Variants in ERLIN2 observed in about 807,000 individuals in gnomAD.
ERLIN2 encodes ER lipid raft associated 2.
ERLIN2 carries 22 observed loss-of-function variants against 41.5 expected under a neutral mutation model. The observed-to-expected ratio is 0.53, with a 90% CI of 0.38 to 0.76. ERLIN2 has a LOEUF of 0.76. ERLIN2 is among the 30% of genes least tolerant of loss of function. The pLI is 0.00. For missense variants in ERLIN2, 247 were observed against 414.3 expected (o/e 0.60, Z 3.51); for synonymous variants, 149 against 150.9 (o/e 0.99, Z 0.09).
rs117553056 is a variant in ERLIN2 at position 37,753,541 on chromosome 8, G to C, written c.819+12G>C. On this transcript the variant is annotated intron_variant, in intron 11 of 11. Coordinates refer to ENST00000519638, the MANE Select transcript of ERLIN2 (RefSeq NM_007175.8). ...CCGAAGCCAATAAGGTAAAGACCCC[G>C]CACAGCCTGATAAAAAGGAGTCTTT... 6.2e-7 allele frequency: 1 copy of C among 1,611,510 alleles called. No homozygotes were observed. Among genetic ancestry groups the C allele is most frequent in the Admixed American group, 1.7e-5 (1 of 60,000 alleles).
chr8:37,745,471 C>T, intron 6 of ERLIN2: 1 of 1,175,242 alleles, frequency 8.5e-7, no homozygotes, highest in South Asian at 1.3e-5. Context: ...TGTTTGCAGT[C>T]AAGTATTCTG....
At chr8:37,751,306 C>T (rs901752071) in intron 9 of ERLIN2, among the ~76,000 whole-genome samples, 1 of 152,234 alleles carries the variant, frequency 6.6e-6, no homozygotes, top group African/African-American at 2.4e-5. Context: ...CTAACCTGAC[C>T]CCTGTCTACA....
At chr8:37,752,945 T>C (rs1414663728) in intron 10 of ERLIN2, among the ~76,000 whole-genome samples, 4 of 152,212 alleles carry the variant, frequency 2.6e-5, no homozygotes. Flanking sequence ...GACTGAACTA[T>C]GTTATGTTCG....
intron 1 of ERLIN2, chr8:37,737,700 G>A: frequency 1.8e-6 from 1 of 571,340 alleles, no homozygotes; most frequent in Non-Finnish European, 3.1e-6. Context: ...CCTCAGTGCG[G>A]TGGGGGCTCT....
At chr8:37,737,777 C>A in intron 1 of ERLIN2, 131 bp from the exon 2 acceptor site, 2 of 1,031,696 alleles carry the variant, frequency 1.9e-6, no homozygotes, top group Non-Finnish European at 2.9e-6. Flanking sequence ...TAGATCTAGC[C>A]TTGTGTTCAC....
At chr8:37,745,879 A>G in intron 6 of ERLIN2, 1 of 1,262,900 alleles carries the variant, frequency 7.9e-7, no homozygotes, top group Non-Finnish European at 1.0e-6. Flanking sequence ...ATTTTATAAA[A>G]TATTAATTTT....
intron 10 of ERLIN2, 38 bp downstream of exon 10, chr8:37,751,753 G>C (rs750262528): frequency 2.0e-6 from 3 of 1,522,914 alleles, no homozygotes; most frequent in Non-Finnish European, 2.7e-6. Flanking sequence ...GTCCTCCTCA[G>C]ACCCCGCCCT....
chr8:37,746,121 A>G (rs1803039753), intron 6 of ERLIN2: 6 of 994,768 alleles, frequency 6.0e-6, no homozygotes, highest in Non-Finnish European at 7.2e-6. Context: ...TTTACATCTC[A>G]GTCTTGCTAG....
At chr8:37,745,777 G>A (rs746147927) in intron 6 of ERLIN2, 5 of 1,465,264 alleles carry the variant, frequency 3.4e-6, no homozygotes, top group South Asian at 2.9e-5. Context: ...TATAGGGTTT[G>A]TAGTCTTTTA....
chr8:37,744,179 G>A (rs1222774826), intron 4 of ERLIN2, among the ~76,000 whole-genome samples, 176 bp from the exon 5 acceptor site: 1 of 152,196 alleles, frequency 6.6e-6, no homozygotes, highest in Non-Finnish European at 1.5e-5. Flanking sequence ...AGGAGAGTAT[G>A]TTGTTGCCAT....
At position 37,757,657 on chromosome 8, in the gene ERLIN2, T is replaced by C. The variant is rs779580636; in HGVS notation, c.*3542T>C. The C allele has an allele frequency of 6.6e-6, 1 of 152,212 alleles. No homozygotes were observed. The highest frequency in any genetic ancestry group is 6.5e-5 in the Admixed American group (1 of 15,278). The allele number at this position is 152,212 out of a possible 1,614,324, so 9.4% of individuals were successfully genotyped here. On this transcript the variant is annotated 3_prime_UTR_variant, in exon 12 of 12. Transcript: ENST00000519638. ...TTATTTGCAGTCTTGCTAAGTAAAATGAGTCTTTGTATCTACTTTTTTATT... is the reference window on the plus strand; with the variant it reads ...TTATTTGCAGTCTTGCTAAGTAAAACGAGTCTTTGTATCTACTTTTTTATT...
rs140710955 is a variant in ERLIN2, at chr8:37,748,473, T to C, written c.425-1086T>C. 2.0e-3 allele frequency among the ~76,000 whole-genome samples: 307 copies of C among 152,342 alleles called. 2 individuals carry two copies. Among genetic ancestry groups the C allele is most frequent in the African/African-American group, 7.0e-3 (292 of 41,570 alleles). On this transcript the variant is annotated intron_variant, in intron 6 of 11. Transcript: ENST00000519638. ...TATATGTGGAAACGTTACCGTCCCT[T>C]GTTTACTGATACTACTGTCTTAAAA...
chr8:37,754,119 A>G lies in ERLIN2; in HGVS notation c.*4A>G. 6.2e-7 allele frequency: 1 copy of G among 1,603,398 alleles called. No homozygotes were observed. Among genetic ancestry groups the G allele is most frequent in the Non-Finnish European group, 8.5e-7 (1 of 1,170,298 alleles). On this transcript the variant is annotated 3_prime_UTR_variant, in exon 12 of 12. Transcript: ENST00000519638. ...GACGGCCACTAAGGAGAATTGAAAA[A>G]AACTTGATATGACTGCAAATGATAC...
chr8:37,736,780 TC>T (rs1336649865), intron 1 of ERLIN2, 102 bp downstream of exon 1: 1 of 985,696 alleles, frequency 1.0e-6, no homozygotes, highest in Non-Finnish European at 1.2e-6. Context: ...GCAGCTTCTC[TC>T]CCTCAGCCGG....
Position 37,757,016 on chromosome 8 carries a change from A to T in ERLIN2, c.*2901A>T, listed in dbSNP as rs1173774613. On this transcript the variant is annotated 3_prime_UTR_variant, in exon 12 of 12. Transcript: ENST00000519638. ...TTAATAATTTTTATATAACTAAAAT[A>T]AAATAGATGTGGAGGGATCTGTGAT... The T allele has an allele frequency of 3.9e-5, 6 of 152,218 alleles. No homozygotes were observed. Among genetic ancestry groups the T allele is most frequent in the African/African-American group, 1.2e-4 (5 of 41,452 alleles). The allele number at this position is 152,218 out of a possible 1,614,324, so 9.4% of individuals were successfully genotyped here.
At chr8:37,737,018 C>T (rs1802668837) in intron 1 of ERLIN2, 1 of 984,488 alleles carries the variant, frequency 1.0e-6, no homozygotes, top group South Asian at 4.7e-5. Context: ...GTAAAATAAG[C>T]GCCTCGCAGA....
Position 37,737,897 on chromosome 8 carries a change from CTTTTCCCTAGGATAA to C in ERLIN2, c.-15-10_-11del. The C allele has an allele frequency of 6.2e-7, 1 of 1,613,914 alleles. No homozygotes were observed. The highest frequency in any genetic ancestry group is 8.5e-7 in the Non-Finnish European group (1 of 1,179,964). ...TTGGACCACACACATTTTCCCGTGTCTTTTCCCTAGGATAAAGGCTCACTGATGGCTCAGTTGGGA... is the reference window on the plus strand; with the variant it reads ...TTGGACCACACACATTTTCCCGTGTCAGGCTCACTGATGGCTCAGTTGGGA... On this transcript the variant is annotated splice_acceptor_variant and splice_polypyrimidine_tract_variant and 5_prime_UTR_variant and intron_variant, in exon 2 of 12. Transcript: ENST00000519638. LOFTEE classifies it low-confidence loss of function (5UTR_SPLICE).
At chr8:37,751,789 GCCTTTGC>G in intron 10 of ERLIN2, 74 bp downstream of exon 10, 1 of 1,123,676 alleles carries the variant, frequency 8.9e-7, no homozygotes. Context: ...GGGAGCCATT[GCCTTTGC>G]CCTTTAACTG....
chr8:37,747,771 A>G (rs1803104139), intron 6 of ERLIN2: 5 of 1,611,844 alleles, frequency 3.1e-6, no homozygotes, highest in Non-Finnish European at 4.2e-6. Flanking sequence ...GTCTCCGCAG[A>G]TACATAGTCT....
Sources: allele counts gnomAD v4.1 joint callset (sites outside exome capture counted in the v4.1 genomes callset), GRCh38; gene constraint gnomAD v4.1.1; transcripts MANE v1.5; gene names NCBI Gene and HGNC (gene_info 2026-07-23, HGNC 2026-07-21).